The following OGDHL variants were observed in gnomAD, a reference collection of about 807,000 sequenced individuals.
OGDHL encodes the protein oxoglutarate dehydrogenase L, also known as 2-oxoglutarate dehydrogenase-like, mitochondrial.
OGDHL carries 79 observed loss-of-function variants against 109.6 expected under a neutral mutation model. The ratio of observed to expected loss-of-function variants is 0.72; its 90% CI spans 0.60 to 0.87. The LOEUF is 0.87. OGDHL is among the 40% of genes least tolerant of loss of function. The probability of loss-of-function intolerance (pLI) is 0.00; values close to 1 mark genes in which losing one functional copy is unlikely to be tolerated. For missense variants in OGDHL, 1,275 were observed against 1,362.2 expected (o/e 0.94, Z 1.01); for synonymous variants, 528 against 537.2 (o/e 0.98, Z 0.24).
intron 17 of OGDHL, 36 bp from the exon 18 acceptor site, chr10:49,738,298 C>T (rs770637845): frequency 1.2e-6 from 2 of 1,610,158 alleles, no homozygotes; most frequent in African/African-American, 2.7e-5. Context: ...GGCTGGACCC[C>T]ACCATGGGAA....
At chr10:49,738,934 A>T (rs914878782) in intron 17 of OGDHL, 2 of 152,938 alleles carry the variant, frequency 1.3e-5, no homozygotes, top group Non-Finnish European at 2.9e-5. Flanking sequence ...GCCTCCCAAG[A>T]AGCTGCCTTC....
At position 49,758,440 on chromosome 10, in the gene OGDHL, G is replaced by A. The variant is rs774380891; in HGVS notation, c.153C>T (p.Tyr51=). 6.2e-7 allele frequency: 1 copy of A among 1,613,866 alleles called. No homozygotes were observed. The highest frequency in any genetic ancestry group is 8.5e-7 in the Non-Finnish European group (1 of 1,180,016). The change falls in exon 2 of 23, where the codon TAC becomes TAT. Residue 51 remains tyrosine (Y), a synonymous_variant. Transcript: ENST00000374103. ...ACCAGGCGAAGTACATCTCCTCCAT[G>A]TAACTGGAGCCGCCTCCACCTTTGC... The part of the protein sequence containing the change: ...PSSKGGGGSS[Y]MEEMYFAWLE...
Position 49,756,799 on chromosome 10 carries a change from G to A in OGDHL, c.352C>T (p.Gln118Ter), listed in dbSNP as rs1842943933. The A allele has an allele frequency of 1.9e-6, 3 of 1,613,692 alleles. No homozygotes were observed. Among genetic ancestry groups the A allele is most frequent in the Non-Finnish European group, 2.5e-6 (3 of 1,179,802 alleles). Residue 118 changes from glutamine (Q) to a stop codon, truncating the protein, a stop_gained, in exon 3 of 23, where the codon CAG (glutamine) becomes TAG (stop). Transcript: ENST00000374103. LOFTEE classifies it high-confidence loss of function. ...ACCTGGTAGGCCCGGATCAGGGACT[G>A]CACAGCCAGGTGGTCCTCCACCAAT... ...SKLVEDHLAV[Q>*]SLIRAYQIRG...
chr10:49,744,178 T>C (rs1343401367), intron 13 of OGDHL, 56 bp from the exon 14 acceptor site: 12 of 1,591,132 alleles, frequency 7.5e-6, no homozygotes, highest in Non-Finnish European at 1.0e-5. Flanking sequence ...CTGATCCCCC[T>C]GGCCAGCCTG....
chr10:49,738,297 C>T (rs377492094), intron 17 of OGDHL, 35 bp from the exon 18 acceptor site: 3 of 1,610,318 alleles, frequency 1.9e-6, no homozygotes, highest in Non-Finnish European at 2.5e-6. Flanking sequence ...AGGCTGGACC[C>T]CACCATGGGA....
Position 49,735,123 on chromosome 10 carries a change from G to T in OGDHL, c.*105C>A, listed in dbSNP as rs1432463032. On this transcript the variant is annotated 3_prime_UTR_variant, in exon 23 of 23. Transcript: ENST00000374103. Reference sequence around the variant, plus strand: ...GTCACTGTGTCTGTTTTATCCTGGGGCCCCACAGCCCCTCTCCTGGGCAGG... The same window carrying T: ...GTCACTGTGTCTGTTTTATCCTGGGTCCCCACAGCCCCTCTCCTGGGCAGG... 2.0e-6 allele frequency: 3 copies of T among 1,486,832 alleles called. No homozygotes were observed. The African/African-American group carries it at 4.2e-5, about 21-fold the overall frequency. 92.1% of individuals were successfully genotyped at this position (1,486,832 alleles called of 1,614,324 possible).
chr10:49,744,982 G>C (rs944898892), intron 12 of OGDHL, among the ~76,000 whole-genome samples: 1 of 152,222 alleles, frequency 6.6e-6, no homozygotes, highest in Admixed American at 6.5e-5. Context: ...GGGGCTTGGA[G>C]AAGGCTCTGG....
At chr10:49,737,560 C>A (rs1841291620) in intron 20 of OGDHL, among the ~76,000 whole-genome samples, 1 of 152,176 alleles carries the variant, frequency 6.6e-6, no homozygotes, top group Non-Finnish European at 1.5e-5. Context: ...TCTAAGGGGG[C>A]CCCAGTGGAC....
chr10:49,736,899 C>G (rs569044399), intron 20 of OGDHL, among the ~76,000 whole-genome samples: 44 of 152,312 alleles, frequency 2.9e-4, no homozygotes, highest in Admixed American at 2.4e-3. Context: ...TCCCCCACCA[C>G]TAAGCAGATG....
At chr10:49,745,555 G>A (rs1842118414) in intron 11 of OGDHL, 59 bp from the exon 12 acceptor site, 2 of 1,599,212 alleles carry the variant, frequency 1.3e-6, no homozygotes, top group Admixed American at 1.7e-5. Flanking sequence ...CAATGTAGCT[G>A]CTGCAAAATT....
At chr10:49,745,629 G>T (rs192604970) in intron 11 of OGDHL, 133 bp from the exon 12 acceptor site, 7 of 1,321,154 alleles carry the variant, frequency 5.3e-6, no homozygotes, top group Non-Finnish European at 7.4e-6. Context: ...ACCTATCACC[G>T]AATGAATGTC....
At chr10:49,753,584 G>A (rs955650564) in intron 3 of OGDHL, among the ~76,000 whole-genome samples, 7 of 152,122 alleles carry the variant, frequency 4.6e-5, no homozygotes, top group South Asian at 2.1e-4. Flanking sequence ...CCAGTCAGTC[G>A]TAATAGTGTT....
chr10:49,735,475 C>T, intron 22 of OGDHL, 124 bp from the exon 23 acceptor site: 1 of 1,139,780 alleles, frequency 8.8e-7, no homozygotes, highest in South Asian at 1.5e-5. Flanking sequence ...ATAGACCCTG[C>T]CTTTTGGCCC....
intron 15 of OGDHL, among the ~76,000 whole-genome samples, chr10:49,742,340 C>G (rs978027884): frequency 7.5e-6 from 1 of 134,088 alleles, no homozygotes; most frequent in Non-Finnish European, 1.6e-5. Flanking sequence ...ACGACACACA[C>G]CACACATGCA....
chr10:49,748,516 ATTTC>A (rs1277557449), intron 8 of OGDHL, among the ~76,000 whole-genome samples: 1 of 152,106 alleles, frequency 6.6e-6, no homozygotes, highest in Non-Finnish European at 1.5e-5. Context: ...CAATGATCAA[ATTTC>A]TTTTTCAGTT....
At chr10:49,742,302 T>C in intron 15 of OGDHL, among the ~76,000 whole-genome samples, 1 of 77,368 alleles carries the variant, frequency 1.3e-5, no homozygotes, top group African/African-American at 5.0e-5. Context: ...ACACCACAAA[T>C]GCACCACACC....
rs1564526218 is a variant in OGDHL, at chr10:49,739,650, GCA to G, written c.2319+9_2319+10del. ...ACCCACCAAGCCACCAGCCACCACC[GCA>G]GCCCTCACCATGCCTTCCATGCCAT... On this transcript the variant is annotated intron_variant, in intron 17 of 22. Transcript: ENST00000374103. 6.2e-7 allele frequency: 1 copy of G among 1,610,882 alleles called. No homozygotes were observed. Among genetic ancestry groups the G allele is most frequent in the Non-Finnish European group, 8.5e-7 (1 of 1,178,108 alleles).
chr10:49,752,806 G>T (rs1842694266), intron 3 of OGDHL, 66 bp from the exon 4 acceptor site: 1 of 1,147,810 alleles, frequency 8.7e-7, no homozygotes, highest in Non-Finnish European at 1.3e-6. Context: ...CCAGGGTAAG[G>T]CTCTGGGCCC....
intron 1 of OGDHL, among the ~76,000 whole-genome samples, chr10:49,761,812 C>A (rs930737061): frequency 2.0e-5 from 3 of 152,240 alleles, no homozygotes; most frequent in Non-Finnish European, 4.4e-5. Flanking sequence ...TTAAAACCGT[C>A]TATTAGGCTC....
Sources: allele counts gnomAD v4.1 joint callset (sites outside exome capture counted in the v4.1 genomes callset), GRCh38; gene constraint gnomAD v4.1.1; transcripts MANE v1.5; gene names NCBI Gene and HGNC (gene_info 2026-07-23, HGNC 2026-07-21).